Variants in FOXO1 observed in about 807,000 individuals in gnomAD.
FOXO1 encodes the protein forkhead box protein O1.
FOXO1 carries 6 observed loss-of-function variants against 44.1 expected under a neutral mutation model. The observed-to-expected ratio is 0.14, with a 90% CI of 0.07 to 0.27. The LOEUF is 0.27. Ranked by LOEUF, FOXO1 falls within the 10% of genes least tolerant of loss-of-function variation. The pLI is 1.00. For missense variants in FOXO1, 737 were observed against 888.8 expected, an observed-to-expected ratio of 0.83 and a Z score of 2.17; for synonymous variants, 380 against 362.7, an observed-to-expected ratio of 1.05 and a Z score of -0.54.
In FOXO1 at chr13:40,606,107, T is replaced by C. The variant is rs538415272; in HGVS notation, c.631-45247A>G. 4.3e-4 allele frequency among the ~76,000 whole-genome samples: 66 copies of C among 152,278 alleles called. 1 individual carries two copies. The highest frequency in any genetic ancestry group is 1.2e-3 in the African/African-American group (50 of 41,554). ...TAGCAAGATAAAGCAAATGTAAAAA[T>C]TGAAGCTCAAAATAACCTCCACCAC... On this transcript the variant is annotated intron_variant, in intron 1 of 2. Transcript: ENST00000379561.
chr13:40,576,327 A>G (rs1038835538), intron 1 of FOXO1, among the ~76,000 whole-genome samples: 1 of 152,208 alleles, frequency 6.6e-6, no homozygotes, highest in Admixed American at 6.5e-5. Flanking sequence ...GTGGAAGATC[A>G]GAGGACAACA....
At chr13:40,592,893 A>G (rs141501025) in intron 1 of FOXO1, among the ~76,000 whole-genome samples, 5 of 152,232 alleles carry the variant, frequency 3.3e-5, no homozygotes, top group African/African-American at 1.2e-4. Context: ...TTAAAGGTAT[A>G]TGGTTTCTAG....
At chr13:40,589,472 C>T (rs1485094952) in intron 1 of FOXO1, among the ~76,000 whole-genome samples, 1 of 152,148 alleles carries the variant, frequency 6.6e-6, no homozygotes, top group Non-Finnish European at 1.5e-5. Context: ...TCACTAAAAC[C>T]GGAAACTGCT....
At chr13:40,653,345 C>A (rs1449894979) in intron 1 of FOXO1, among the ~76,000 whole-genome samples, 1 of 152,162 alleles carries the variant, frequency 6.6e-6, no homozygotes, top group Non-Finnish European at 1.5e-5. Context: ...AAGATGAAGA[C>A]CCTCTCATTC....
rs199978805 is a variant in FOXO1 at position 40,659,630 on chromosome 13, CTTTT to C, written c.630+5949_630+5952del. Among the ~76,000 whole-genome samples, 9 of 152,006 alleles carry C rather than the reference CTTTT, an allele frequency of 5.9e-5. No homozygotes were observed. The East Asian group carries it at 1.2e-3, about 19-fold the overall frequency. ...TTGACTTAATATCAAAACTAACTTG[CTTTT>C]TTGTTTTCCTTTTTAGTTTTTATCA... On this transcript the variant is annotated intron_variant, in intron 1 of 2. Coordinates refer to ENST00000379561, the MANE Select transcript of FOXO1 (RefSeq NM_002015.4).
intron 1 of FOXO1, among the ~76,000 whole-genome samples, chr13:40,600,667 T>C (rs745998764): frequency 2.0e-5 from 3 of 152,204 alleles, no homozygotes; most frequent in Non-Finnish European, 2.9e-5. Context: ...AGTAAATTAC[T>C]GTTTGGGTAG....
At chr13:40,611,208 T>C (rs1876216506) in intron 1 of FOXO1, 1 of 316,360 alleles carries the variant, frequency 3.2e-6, no homozygotes, top group South Asian at 2.4e-5. Context: ...AAGTTCTATG[T>C]GACCTCACGG....
Position 40,598,126 on chromosome 13 carries a change from G to A in FOXO1, c.631-37266C>T, listed in dbSNP as rs555104527. Among the ~76,000 whole-genome samples, 13 of 152,224 alleles carry A rather than the reference G, an allele frequency of 8.5e-5. No individual in the cohort carries two copies. In the South Asian group the frequency reaches 2.7e-3, roughly 32 times the overall value. On this transcript the variant is annotated intron_variant, in intron 1 of 2. Transcript: ENST00000379561. ...AAGTCAAGACTGTGATAGGCAAAAC[G>A]GAACAAGCGAATGAAAGAGGCCCCA...
chr13:40,595,828 A>T (rs1417282232), intron 1 of FOXO1, among the ~76,000 whole-genome samples: 2 of 152,104 alleles, frequency 1.3e-5, no homozygotes, highest in Non-Finnish European at 1.5e-5. Context: ...GTATTTTATG[A>T]CCACATTTCA....
chr13:40,636,276 G>A (rs1877148314), intron 1 of FOXO1, among the ~76,000 whole-genome samples: 1 of 151,974 alleles, frequency 6.6e-6, no homozygotes, highest in Non-Finnish European at 1.5e-5. Flanking sequence ...CACACAAGCT[G>A]TACAACCTCA....
chr13:40,647,945 G>A (rs1424443260), intron 1 of FOXO1, among the ~76,000 whole-genome samples: 8 of 152,190 alleles, frequency 5.3e-5, no homozygotes, highest in Admixed American at 5.2e-4. Context: ...TCTGGTCAAA[G>A]CAAGAGTGGT....
At chr13:40,648,475 C>T (rs1204162145) in intron 1 of FOXO1, among the ~76,000 whole-genome samples, 2 of 152,186 alleles carry the variant, frequency 1.3e-5, no homozygotes, top group East Asian at 3.8e-4. Context: ...TGATTGTTAG[C>T]ATTTTCTTAT....
chr13:40,630,710 A>T (rs1209143105), intron 1 of FOXO1, among the ~76,000 whole-genome samples: 1 of 152,054 alleles, frequency 6.6e-6, no homozygotes, highest in African/African-American at 2.4e-5. Flanking sequence ...CCTGGCAAAT[A>T]GGGAAAGAGC....
At chr13:40,611,953 A>G (rs904865837) in intron 1 of FOXO1, among the ~76,000 whole-genome samples, 2 of 152,122 alleles carry the variant, frequency 1.3e-5, no homozygotes, top group African/African-American at 4.8e-5. Context: ...GCATGCCTTT[A>G]GTCTCAGCCA....
At chr13:40,595,901 C>T (rs1415428831) in intron 1 of FOXO1, among the ~76,000 whole-genome samples, 1 of 150,950 alleles carries the variant, frequency 6.6e-6, no homozygotes, top group Non-Finnish European at 1.5e-5. Flanking sequence ...GTCTCTTTCC[C>T]TCTGGTTAGT....
chr13:40,621,375 T>A, intron 1 of FOXO1: 2 of 374,974 alleles, frequency 5.3e-6, no homozygotes, highest in Non-Finnish European at 9.3e-6. Context: ...ACTCAAATAT[T>A]GTATTTTAGT....
intron 1 of FOXO1, among the ~76,000 whole-genome samples, chr13:40,609,792 G>A (rs1486309478): frequency 6.6e-6 from 1 of 152,030 alleles, no homozygotes; most frequent in African/African-American, 2.4e-5. Context: ...CCTTGGATAG[G>A]AAAAAACACA....
At chr13:40,566,140 T>A (rs112025011) in intron 1 of FOXO1, among the ~76,000 whole-genome samples, 231 of 152,274 alleles carry the variant, frequency 1.5e-3, no homozygotes, top group African/African-American at 5.4e-3. Context: ...ACAGCCAGCA[T>A]GTGCAGAGCA....
intron 1 of FOXO1, chr13:40,619,131 T>G (rs985326197): frequency 8.4e-6 from 3 of 357,680 alleles, no homozygotes; most frequent in African/African-American, 4.3e-5. Context: ...TAAACAGATA[T>G]AAAAAATTAG....
Sources: gnomAD v4.1 joint callset for allele counts (sites outside exome capture counted in the v4.1 genomes callset) on GRCh38, gnomAD v4.1.1 for gene constraint, MANE v1.5 for transcripts, NCBI Gene and HGNC (gene_info 2026-07-23, HGNC 2026-07-21) for gene names.